ANKS1B: variants seen among roughly 807,000 people sequenced by gnomAD.
The protein encoded by ANKS1B is ankyrin repeat and sterile alpha motif domain containing 1B, also known as ankyrin repeat and sterile alpha motif domain-containing protein 1B.
A neutral mutation model predicts 148.3 loss-of-function variants in ANKS1B; 36 were observed. That is an observed-to-expected ratio of 0.24 (90% CI 0.19 to 0.32). ANKS1B has a LOEUF of 0.32. ANKS1B is among the 10% of genes least tolerant of loss of function. The pLI, the probability that ANKS1B is intolerant of heterozygous loss-of-function variation, is 1.00. For synonymous variants in ANKS1B, 542 were observed against 560.8 expected (o/e 0.97, Z 0.47); for missense variants, 1,157 against 1,542.6 (o/e 0.75, Z 4.19).
chr12:99,083,287 T>C (rs1009625716), intron 16 of ANKS1B, among the ~76,000 whole-genome samples: 32 of 152,278 alleles, frequency 2.1e-4, no homozygotes, highest in African/African-American at 7.2e-4. Flanking sequence ...GTACAAAACC[T>C]AGGACAATCT....
At chr12:99,736,707 A>T (rs1231537609) in intron 8 of ANKS1B, among the ~76,000 whole-genome samples, 1 of 152,120 alleles carries the variant, frequency 6.6e-6, no homozygotes, top group East Asian at 1.9e-4. Context: ...AATTACATTA[A>T]ACTAAAAAGC....
In ANKS1B at chr12:99,523,577, G is replaced by A. The variant is rs112775577; in HGVS notation, c.1273-18936C>T. On this transcript the variant is annotated intron_variant, in intron 9 of 26. Transcript: ENST00000683438. ...TTTTTTTTTTTTTTTTTTTTGAGACGGAGTCTCACTCTGTTGCCCAGGCTG... is the reference window on the plus strand; with the variant it reads ...TTTTTTTTTTTTTTTTTTTTGAGACAGAGTCTCACTCTGTTGCCCAGGCTG... 5.3e-3 allele frequency among the ~76,000 whole-genome samples: 714 copies of A among 133,762 alleles called. 8 individuals are homozygous for A. The highest frequency in any genetic ancestry group is 0.02 in the African/African-American group (678 of 34,158). The allele number at this position is 133,762 out of a possible 152,430, so 87.8% of individuals were successfully genotyped here.
intron 1 of ANKS1B, among the ~76,000 whole-genome samples, chr12:99,854,877 T>G (rs1050385406): frequency 6.6e-6 from 1 of 151,944 alleles, no homozygotes; most frequent in East Asian, 1.9e-4. Flanking sequence ...AAGCCAGCAC[T>G]AAAAGAAGTG....
intron 12 of ANKS1B, among the ~76,000 whole-genome samples, chr12:99,299,010 T>C (rs2081262755): frequency 6.6e-6 from 1 of 152,088 alleles, no homozygotes; most frequent in South Asian, 2.1e-4. Flanking sequence ...ATTATATTAT[T>C]TGTTTTTGCA....
At chr12:99,670,458 T>C (rs1049874458) in intron 8 of ANKS1B, among the ~76,000 whole-genome samples, 2 of 152,120 alleles carry the variant, frequency 1.3e-5, no homozygotes, top group African/African-American at 4.8e-5. Flanking sequence ...CTTAACTTAA[T>C]TAAAAAATTA....
At chr12:99,202,073 C>T (rs2082133934) in intron 14 of ANKS1B, among the ~76,000 whole-genome samples, 1 of 152,182 alleles carries the variant, frequency 6.6e-6, no homozygotes, top group Non-Finnish European at 1.5e-5. Context: ...CAACAGAGTA[C>T]ATTGGCTTCT....
chr12:99,891,286 GCTAA>G (rs2093091072), intron 1 of ANKS1B, among the ~76,000 whole-genome samples: 1 of 152,054 alleles, frequency 6.6e-6, no homozygotes, highest in African/African-American at 2.4e-5. Flanking sequence ...ATTTATTATT[GCTAA>G]CTTTTTAAAT....
chr12:99,116,653 T>A (rs2061497005), intron 15 of ANKS1B, among the ~76,000 whole-genome samples: 1 of 152,166 alleles, frequency 6.6e-6, no homozygotes, highest in Non-Finnish European at 1.5e-5. Context: ...TAAAAAAGAT[T>A]TTGCTTATGA....
At chr12:99,243,158 A>C (rs2089671866) in intron 14 of ANKS1B, among the ~76,000 whole-genome samples, 1 of 152,234 alleles carries the variant, frequency 6.6e-6, no homozygotes, top group South Asian at 2.1e-4. Flanking sequence ...AAAATCTACA[A>C]AGAACTTAAA....
At chr12:98,924,429 C>T (rs2099805401) in intron 17 of ANKS1B, among the ~76,000 whole-genome samples, 1 of 152,090 alleles carries the variant, frequency 6.6e-6, no homozygotes, top group African/African-American at 2.4e-5. Flanking sequence ...TTCTTCTATG[C>T]TAAATGGCTG....
intron 1 of ANKS1B, among the ~76,000 whole-genome samples, chr12:99,922,132 A>T (rs975522369): frequency 6.6e-6 from 1 of 152,210 alleles, no homozygotes; most frequent in Non-Finnish European, 1.5e-5. Context: ...AATTAAATAC[A>T]TTAACATATA....
chr12:99,923,023 T>C (rs1233581381), intron 1 of ANKS1B, among the ~76,000 whole-genome samples: 1 of 152,146 alleles, frequency 6.6e-6, no homozygotes, highest in Non-Finnish European at 1.5e-5. Flanking sequence ...AGACAATGTA[T>C]TATAACAGAA....
At chr12:98,892,202 A>C (rs2099754147) in intron 17 of ANKS1B, among the ~76,000 whole-genome samples, 1 of 152,212 alleles carries the variant, frequency 6.6e-6, no homozygotes. Flanking sequence ...TGCTATAAAC[A>C]CTGTCAATGC....
intron 1 of ANKS1B, among the ~76,000 whole-genome samples, chr12:99,896,816 C>T (rs73376116): frequency 0.047 from 7,180 of 151,304 alleles, 613 homozygotes; most frequent in African/African-American, 0.16. Context: ...TCTGTGCCTA[C>T]GGAATAGAAG....
intron 9 of ANKS1B, among the ~76,000 whole-genome samples, chr12:99,607,593 T>A (rs2097860258): frequency 6.6e-6 from 1 of 152,100 alleles, no homozygotes; most frequent in Non-Finnish European, 1.5e-5. Context: ...TTAAGCCACA[T>A]GCCAGGTCCA....
intron 10 of ANKS1B, among the ~76,000 whole-genome samples, chr12:99,492,210 C>CA (rs1279975070): frequency 1.3e-5 from 2 of 152,050 alleles, no homozygotes; most frequent in Non-Finnish European, 2.9e-5. Context: ...TCAGACATGA[C>CA]AAAGAGGATG....
Position 99,929,243 on chromosome 12 carries a change from A to C in ANKS1B, c.134+54861T>G, listed in dbSNP as rs1169631381. Among the ~76,000 whole-genome samples, 9 of 152,216 alleles carry C rather than the reference A, an allele frequency of 5.9e-5. No individual in the cohort carries two copies. The East Asian group carries it at 1.7e-3, about 29-fold the overall frequency. On this transcript the variant is annotated intron_variant, in intron 1 of 26. Transcript: ENST00000683438. ...TTCACACAATAACCACTCAGTTAAG[A>C]GAATGACAGAGGGATTTTTTTTCAT...
intron 8 of ANKS1B, among the ~76,000 whole-genome samples, chr12:99,765,473 C>A (rs2153612843): frequency 6.6e-6 from 1 of 152,158 alleles, no homozygotes; most frequent in Middle Eastern, 3.4e-3. Flanking sequence ...GTATTTATAC[C>A]ATTGATTTTT....
At chr12:99,271,393 C>T (rs1372206601) in intron 12 of ANKS1B, among the ~76,000 whole-genome samples, 1 of 152,016 alleles carries the variant, frequency 6.6e-6, no homozygotes, top group South Asian at 2.1e-4. Flanking sequence ...TCTGTAAAAA[C>T]GTTTTGTTTA....
Sources: allele counts gnomAD v4.1 joint callset (sites outside exome capture counted in the v4.1 genomes callset), GRCh38; gene constraint gnomAD v4.1.1; transcripts MANE v1.5; gene names NCBI Gene and HGNC (gene_info 2026-07-23, HGNC 2026-07-21).